The following CPNE5 variants were observed in gnomAD, a reference collection of about 807,000 sequenced individuals.
CPNE5 encodes copine-5.
Under a neutral mutation model 81.1 loss-of-function variants are expected in CPNE5, and 42 were observed. The ratio of observed to expected loss-of-function variants is 0.52; its 90% CI spans 0.40 to 0.67. CPNE5 has a LOEUF of 0.67. Among genes scored for constraint, CPNE5 ranks in the 30% least tolerant of loss-of-function variants. The pLI, the probability that CPNE5 is intolerant of heterozygous loss-of-function variation, is 0.00. For synonymous variants in CPNE5, 313 were observed against 321.5 expected, an observed-to-expected ratio of 0.97 and a Z score of 0.28; for missense variants, 612 against 815.5, an observed-to-expected ratio of 0.75 and a Z score of 3.04.
intron 1 of CPNE5, 127 bp from the exon 2 acceptor site, chr6:36,823,225 TC>T: frequency 1.0e-5 from 7 of 674,446 alleles, no homozygotes; most frequent in Non-Finnish European, 1.4e-5. Context: ...AGTTCCACAA[TC>T]GTTTATTAGG....
intron 8 of CPNE5, among the ~76,000 whole-genome samples, chr6:36,790,623 G>A (rs1324118188): frequency 6.6e-6 from 1 of 152,154 alleles, no homozygotes; most frequent in Non-Finnish European, 1.5e-5. Flanking sequence ...TTGAGATGGA[G>A]TCTCGCTCTG....
chr6:36,758,226 A>G (rs1025558631), intron 12 of CPNE5, among the ~76,000 whole-genome samples: 1 of 152,208 alleles, frequency 6.6e-6, no homozygotes, highest in Non-Finnish European at 1.5e-5. Context: ...AAATGGGCCA[A>G]TGCAAGCAAA....
At chr6:36,808,499 C>G (rs976385303) in intron 3 of CPNE5, among the ~76,000 whole-genome samples, 2 of 152,150 alleles carry the variant, frequency 1.3e-5, no homozygotes, top group African/African-American at 4.8e-5. Flanking sequence ...CGTGAGTCAA[C>G]TCCCCACAAA....
chr6:36,773,945 G>A (rs1474855656), intron 10 of CPNE5, among the ~76,000 whole-genome samples: 2 of 151,596 alleles, frequency 1.3e-5, no homozygotes, highest in Admixed American at 1.3e-4. Context: ...GCATGGTTGT[G>A]GTACCAGCTA....
At chr6:36,788,233 G>GC (rs1768763521) in intron 8 of CPNE5, among the ~76,000 whole-genome samples, 1 of 151,790 alleles carries the variant, frequency 6.6e-6, no homozygotes, top group African/African-American at 2.4e-5. Context: ...GGTCGGGGGG[G>GC]GGTCTCACTA....
rs891971751 is a variant in CPNE5, at chr6:36,748,157, A to G, written c.1018+64T>C. On this transcript the variant is annotated intron_variant, in intron 15 of 20. Transcript: ENST00000244751. ...GAGGGTCATGGTCCCAGCCAGGGCCAGATGCCACAGCCCTTAAAAGCTCTC... is the reference window on the plus strand; with the variant it reads ...GAGGGTCATGGTCCCAGCCAGGGCCGGATGCCACAGCCCTTAAAAGCTCTC... The G allele has an allele frequency of 2.1e-6, 3 of 1,444,580 alleles. No individual in the cohort carries two copies. The African/African-American group carries it at 4.2e-5, about 20-fold the overall frequency. 89.5% of individuals were successfully genotyped at this position (1,444,580 alleles called of 1,614,324 possible).
chr6:36,804,478 G>A (rs1447652968), intron 3 of CPNE5, among the ~76,000 whole-genome samples: 2 of 152,108 alleles, frequency 1.3e-5, no homozygotes, highest in East Asian at 3.8e-4. Context: ...TGGCTTTCTT[G>A]CAAAATATTC....
chr6:36,761,370 C>T (rs1766012334), intron 12 of CPNE5, among the ~76,000 whole-genome samples: 2 of 152,238 alleles, frequency 1.3e-5, no homozygotes, highest in Middle Eastern at 3.2e-3. Context: ...TATAACACAC[C>T]TACTGTGTGC....
intron 3 of CPNE5, among the ~76,000 whole-genome samples, chr6:36,818,291 T>C (rs1418404122): frequency 2.0e-5 from 3 of 152,212 alleles, no homozygotes; most frequent in Non-Finnish European, 2.9e-5. Context: ...AACTCCCATT[T>C]TCTTCCATCC....
Position 36,765,898 on chromosome 6 carries a change from C to G in CPNE5, c.738-522G>C, listed in dbSNP as rs79163856. Among the ~76,000 whole-genome samples the G allele has an allele frequency of 3.0e-3, 463 of 152,318 alleles. 6 individuals are homozygous for G. Among genetic ancestry groups the G allele is most frequent in the African/African-American group, 0.011 (443 of 41,566 alleles). On this transcript the variant is annotated intron_variant, in intron 10 of 20. Transcript: ENST00000244751. The stretch of plus-strand genomic sequence containing the variant: ...GGATGGCCCGCTGAGCTTTTCCATC[C>G]CCACGACTGGCTCCTGAGTGAGGGT...
At position 36,746,008 on chromosome 6, in the gene CPNE5, G is replaced by C. The variant is rs1377650286; in HGVS notation, c.1200+388C>G. The stretch of plus-strand genomic sequence containing the variant: ...ACAGGGCCCGGGATGCCCAGATGAC[G>C]CCATGCTCCACATCACCCTGGAGAT... On this transcript the variant is annotated intron_variant, in intron 16 of 20. Coordinates refer to ENST00000244751, the MANE Select transcript of CPNE5 (RefSeq NM_020939.2). The surrounding 1 kb of genome is among the most constrained non-coding windows in gnomAD (Gnocchi z 4.5). The C allele has an allele frequency of 4.3e-6, 1 of 231,884 alleles. No individual in the cohort carries two copies. The highest frequency in any genetic ancestry group is 6.5e-5 in the Admixed American group (1 of 15,350). 14.4% of individuals were successfully genotyped at this position (231,884 alleles called of 1,614,324 possible).
intron 14 of CPNE5, among the ~76,000 whole-genome samples, chr6:36,749,036 A>G (rs949874158): frequency 3.3e-5 from 5 of 152,062 alleles, no homozygotes; most frequent in Admixed American, 2.6e-4. Flanking sequence ...TCCTGGGCTC[A>G]AGCAGTTTTC....
chr6:36,757,737 AG>A (rs1765624330), intron 12 of CPNE5, among the ~76,000 whole-genome samples: 3 of 152,208 alleles, frequency 2.0e-5, no homozygotes, highest in Admixed American at 2.0e-4. Flanking sequence ...AGACCACTCT[AG>A]GTGAGAGTGT....
chr6:36,798,555 G>A, intron 4 of CPNE5, 61 bp from the exon 5 acceptor site: 1 of 1,538,118 alleles, frequency 6.5e-7, no homozygotes, highest in Non-Finnish European at 9.0e-7. Flanking sequence ...ATCCTGCCTG[G>A]GTTCTCAAGT....
chr6:36,763,259 TG>T (rs984812675), intron 11 of CPNE5, among the ~76,000 whole-genome samples: 4 of 152,158 alleles, frequency 2.6e-5, no homozygotes, highest in Admixed American at 2.6e-4. Flanking sequence ...CAAGGGTATT[TG>T]GGGGACAACT....
chr6:36,821,536 G>A (rs756781829), intron 3 of CPNE5, among the ~76,000 whole-genome samples: 5 of 151,958 alleles, frequency 3.3e-5, no homozygotes, highest in Non-Finnish European at 7.4e-5. Context: ...CCTACTCCCT[G>A]TTACAAGGGA....
At chr6:36,806,438 G>A (rs989298130) in intron 3 of CPNE5, among the ~76,000 whole-genome samples, 1 of 152,056 alleles carries the variant, frequency 6.6e-6, no homozygotes, top group Non-Finnish European at 1.5e-5. Context: ...GACCCCACCA[G>A]GCAGGCCCTC....
At chr6:36,797,702 A>T (rs1769716596) in intron 6 of CPNE5, among the ~76,000 whole-genome samples, 1 of 152,234 alleles carries the variant, frequency 6.6e-6, no homozygotes, top group African/African-American at 2.4e-5. Flanking sequence ...CATCAGGGAC[A>T]GGATGGGACG....
chr6:36,783,976 G>C (rs2150483418), intron 8 of CPNE5, among the ~76,000 whole-genome samples: 1 of 152,334 alleles, frequency 6.6e-6, no homozygotes, highest in South Asian at 2.1e-4. Flanking sequence ...ATCAAGATAA[G>C]TTTAATTACA....
Sources: gnomAD v4.1 joint callset for allele counts (sites outside exome capture counted in the v4.1 genomes callset) on GRCh38, gnomAD v4.1.1 for gene constraint, Gnocchi (gnomAD v3.1) non-coding constraint, MANE v1.5 for transcripts, NCBI Gene and HGNC (gene_info 2026-07-23, HGNC 2026-07-21) for gene names.